COX4I2: variants seen among roughly 807,000 people sequenced by gnomAD.
COX4I2 encodes the protein cytochrome c oxidase subunit 4 isoform 2, mitochondrial.
Under a neutral mutation model 20.8 loss-of-function variants are expected in COX4I2, and 15 were observed. The ratio of observed to expected loss-of-function variants is 0.72; its 90% CI spans 0.48 to 1.11. The LOEUF is 1.11. Among genes scored for constraint, COX4I2 ranks in the 50% most tolerant of loss-of-function variants. COX4I2 has a pLI of 0.00. For synonymous variants in COX4I2, 80 were observed against 78.1 expected (o/e 1.02, Z -0.13); for missense variants, 224 against 223.0 (o/e 1.00, Z -0.03).
At chr20:31,638,214 C>CGT (rs1451842537) in intron 1 of COX4I2, among the ~76,000 whole-genome samples, 2 of 151,996 alleles carry the variant, frequency 1.3e-5, no homozygotes, top group Non-Finnish European at 1.5e-5. Context: ...AATCACTGGC[C>CGT]GGAGCCCCTC....
intron 3 of COX4I2, among the ~76,000 whole-genome samples, chr20:31,640,334 C>T (rs1023459274): frequency 6.6e-6 from 1 of 152,136 alleles, no homozygotes; most frequent in Non-Finnish European, 1.5e-5. Flanking sequence ...AGTTCCTGCC[C>T]CCATGGTGCC....
intron 3 of COX4I2, among the ~76,000 whole-genome samples, chr20:31,640,800 C>A (rs2060463344): frequency 6.6e-6 from 1 of 152,080 alleles, no homozygotes; most frequent in African/African-American, 2.4e-5. Flanking sequence ...ATGCTTCTCA[C>A]ATTCATTCAT....
At chr20:31,644,711 C>T in intron 4 of COX4I2, 57 bp from the exon 5 acceptor site, 2 of 1,609,974 alleles carry the variant, frequency 1.2e-6, no homozygotes, top group Non-Finnish European at 8.5e-7. Flanking sequence ...GGCTGGAGAC[C>T]CTGGCTGGTG....
At chr20:31,639,247 A>G in intron 2 of COX4I2, 148 bp downstream of exon 2, 1 of 1,521,698 alleles carries the variant, frequency 6.6e-7, no homozygotes, top group East Asian at 2.5e-5. Flanking sequence ...CCTTGGTCCA[A>G]GGTCAAGTTT....
intron 1 of COX4I2, among the ~76,000 whole-genome samples, chr20:31,638,477 C>CT (rs1366789566): frequency 0.025 from 8 of 320 alleles, no homozygotes; most frequent in East Asian, 0.05. Context: ...TAAGCCCAGT[C>CT]CCCACCCCAA....
intron 4 of COX4I2, among the ~76,000 whole-genome samples, chr20:31,643,780 G>A (rs1338066019): frequency 6.6e-6 from 1 of 152,156 alleles, no homozygotes; most frequent in Non-Finnish European, 1.5e-5. Context: ...GTACTTAAGA[G>A]GATTTTAATG....
At chr20:31,642,629 G>A (rs1053088757) in intron 3 of COX4I2, among the ~76,000 whole-genome samples, 1 of 151,574 alleles carries the variant, frequency 6.6e-6, no homozygotes, top group Admixed American at 6.6e-5. Context: ...TAGTAGAGAC[G>A]GGGTTTCACT....
At chr20:31,643,620 G>A (rs2122337432) in intron 4 of COX4I2, 85 bp downstream of exon 4, 3 of 1,533,816 alleles carry the variant, frequency 2.0e-6, no homozygotes, top group Non-Finnish European at 2.7e-6. Flanking sequence ...AAGGAACCAT[G>A]CTGGCACTCA....
At chr20:31,640,675 C>T (rs2060462628) in intron 3 of COX4I2, among the ~76,000 whole-genome samples, 1 of 152,096 alleles carries the variant, frequency 6.6e-6, no homozygotes. Flanking sequence ...TCATGTCCAC[C>T]AGAGCATCCC....
chr20:31,639,241 G>A, intron 2 of COX4I2, 142 bp downstream of exon 2: 1 of 1,523,750 alleles, frequency 6.6e-7, no homozygotes, highest in Non-Finnish European at 8.8e-7. Context: ...CCCACTCCTT[G>A]GTCCAAGGTC....
At chr20:31,642,824 C>T (rs2060476028) in intron 3 of COX4I2, among the ~76,000 whole-genome samples, 1 of 152,106 alleles carries the variant, frequency 6.6e-6, no homozygotes, top group South Asian at 2.1e-4. Flanking sequence ...TGAAGCAATC[C>T]ACCCGTCTTG....
chr20:31,639,962 A>G lies in COX4I2; in HGVS notation c.112A>G (p.Thr38Ala). 6.2e-7 allele frequency: 1 copy of G among 1,614,044 alleles called. No individual in the cohort carries two copies. The highest frequency in any genetic ancestry group is 8.5e-7 in the Non-Finnish European group (1 of 1,180,000). Residue 38 changes from threonine to alanine, a missense_variant, in exon 3 of 5, where the codon ACC (threonine) becomes GCC (alanine). Thr to Ala is a moderately conservative substitution (Grantham distance 58, BLOSUM62 0). Coordinates refer to ENST00000376075, the MANE Select transcript of COX4I2 (RefSeq NM_032609.3). ...TGGTGGGGGGAAGATGTCCCCCTAC[A>G]CCAACTGCTATGCCCAGCGCTACTA... ...TRGGGKMSPYTNCYAQRYYPM... is the reference protein window; with the variant it reads ...TRGGGKMSPYANCYAQRYYPM...
intron 3 of COX4I2, 132 bp downstream of exon 3, chr20:31,640,229 A>C: frequency 2.2e-6 from 2 of 907,650 alleles, no homozygotes; most frequent in Non-Finnish European, 3.3e-6. Context: ...CTGAGGGGTG[A>C]AGTTCATGCC....
At chr20:31,639,164 G>C in intron 2 of COX4I2, 65 bp downstream of exon 2, 2 of 1,554,368 alleles carry the variant, frequency 1.3e-6, no homozygotes, top group Admixed American at 1.9e-5. Flanking sequence ...CCCTCTGCAG[G>C]CTGCCCCCTT....
In COX4I2 at chr20:31,639,993, T is replaced by A; in HGVS notation, c.143T>A (p.Met48Lys). 1 of 1,614,088 alleles carries A rather than the reference T, an allele frequency of 6.2e-7. No individual in the cohort carries two copies. The highest frequency in any genetic ancestry group is 1.6e-4 in the Middle Eastern group (1 of 6,062). The change falls in exon 3 of 5, where the codon ATG becomes AAG. Residue 48 changes from methionine to lysine, a missense_variant. Coordinates refer to ENST00000376075, the MANE Select transcript of COX4I2 (RefSeq NM_032609.3). ...TGCTATGCCCAGCGCTACTACCCCA[T>A]GCCAGAAGAGCCCTTCTGCACAGAA... ...TNCYAQRYYP[M>K]PEEPFCTELN...
Position 31,643,533 on chromosome 20 carries a change from A to G in COX4I2, c.377A>G (p.Tyr126Cys). 6.2e-7 allele frequency: 1 copy of G among 1,614,158 alleles called. No individual in the cohort carries two copies. The change falls in exon 4 of 5, where the codon TAC (tyrosine) becomes TGC (cysteine). Residue 126 changes from tyrosine to cysteine, a missense_variant and splice_region_variant. Physicochemically the swap from Tyr to Cys is radical, Grantham distance 194 (BLOSUM62 -2). Coordinates refer to ENST00000376075, the MANE Select transcript of COX4I2 (RefSeq NM_032609.3). ...AALVIWWQRVYVFPPKPITLT... is the reference protein window; with the variant it reads ...AALVIWWQRVCVFPPKPITLT... ...CTGGTGATTTGGTGGCAGCGGGTCT[A>G]CGGTGAGTGGCAACACCTCATCTGG...
chr20:31,642,138 C>A (rs1048416873), intron 3 of COX4I2, among the ~76,000 whole-genome samples: 1 of 152,196 alleles, frequency 6.6e-6, no homozygotes, highest in Non-Finnish European at 1.5e-5. Flanking sequence ...CAGGCATGAG[C>A]CATCATGCCA....
chr20:31,639,718 C>T (rs530444378), intron 2 of COX4I2, among the ~76,000 whole-genome samples: 2 of 152,020 alleles, frequency 1.3e-5, no homozygotes, highest in South Asian at 2.1e-4. Context: ...CCACTGCGCC[C>T]GGCTAATTTT....
intron 4 of COX4I2, among the ~76,000 whole-genome samples, chr20:31,644,371 A>C (rs779014669): frequency 3.3e-5 from 5 of 152,134 alleles, no homozygotes; most frequent in Non-Finnish European, 5.9e-5. Context: ...AGGCTCAGAG[A>C]GATGAAGTGA....
Sources: allele counts gnomAD v4.1 joint callset (sites outside exome capture counted in the v4.1 genomes callset), GRCh38; gene constraint gnomAD v4.1.1; transcripts MANE v1.5; gene names NCBI Gene and HGNC (gene_info 2026-07-23, HGNC 2026-07-21).